Variants in RALY observed in about 807,000 individuals in gnomAD.
RALY encodes the protein RALY heterogeneous nuclear ribonucleoprotein.
RALY carries 15 observed loss-of-function variants against 30.7 expected under a neutral mutation model. The ratio of observed to expected loss-of-function variants is 0.49; its 90% CI spans 0.33 to 0.75. The LOEUF is 0.75. Among genes scored for constraint, RALY ranks in the 30% least tolerant of loss-of-function variants. The pLI is 0.02. For missense variants in RALY, 339 were observed against 414.3 expected, an observed-to-expected ratio of 0.82 and a Z score of 1.58; for synonymous variants, 177 against 170.8, an observed-to-expected ratio of 1.04 and a Z score of -0.28.
chr20:34,047,088 G>A (rs1483719044), intron 2 of RALY, among the ~76,000 whole-genome samples: 1 of 152,138 alleles, frequency 6.6e-6, no homozygotes, highest in African/African-American at 2.4e-5. Flanking sequence ...CAAAGTGGGG[G>A]GATTACAGGT....
intron 2 of RALY, among the ~76,000 whole-genome samples, chr20:34,036,193 C>T (rs1601449056): frequency 2.6e-5 from 4 of 151,822 alleles, no homozygotes; most frequent in African/African-American, 2.4e-5. Flanking sequence ...TCTAGTACAG[C>T]GTTGAATAGA....
chr20:34,078,566 T>G lies in RALY; in HGVS notation c.*4+13T>G, dbSNP rs2033959434. The G allele has an allele frequency of 6.4e-7, 1 of 1,552,876 alleles. No individual in the cohort carries two copies. The highest frequency in any genetic ancestry group is 1.2e-5 in the South Asian group (1 of 81,856). On this transcript the variant is annotated intron_variant, in intron 9 of 9. Coordinates refer to ENST00000246194, the MANE Select transcript of RALY (RefSeq NM_016732.3). ...TTGCAGTAAGCAGGTACAGGGGTCCTGTCCTGATGGGCAGAGGGTGGGGAA... is the reference window on the plus strand; with the variant it reads ...TTGCAGTAAGCAGGTACAGGGGTCCGGTCCTGATGGGCAGAGGGTGGGGAA...
chr20:34,058,351 G>A (rs1016072766), intron 2 of RALY, among the ~76,000 whole-genome samples: 3 of 152,042 alleles, frequency 2.0e-5, no homozygotes, highest in Non-Finnish European at 2.9e-5. Context: ...ACATGCTAAT[G>A]AACATTTTGT....
At chr20:34,007,637 T>C (rs2031217607) in intron 1 of RALY, among the ~76,000 whole-genome samples, 1 of 150,732 alleles carries the variant, frequency 6.6e-6, no homozygotes, top group Non-Finnish European at 1.5e-5. Context: ...CTGACCAATA[T>C]GGTGAAACCC....
chr20:34,000,918 C>G (rs1266704723), intron 1 of RALY, among the ~76,000 whole-genome samples: 2 of 152,160 alleles, frequency 1.3e-5, no homozygotes, highest in African/African-American at 2.4e-5. Flanking sequence ...GGGAATTGGA[C>G]TAGATAATCT....
At chr20:34,050,534 T>C (rs1050183110) in intron 2 of RALY, among the ~76,000 whole-genome samples, 2 of 152,240 alleles carry the variant, frequency 1.3e-5, no homozygotes, top group Non-Finnish European at 2.9e-5. Flanking sequence ...GGATGTGATA[T>C]CAGGCAGGGT....
At chr20:34,001,618 A>ACCATGTAAGTGG (rs2030917918) in intron 1 of RALY, among the ~76,000 whole-genome samples, 1 of 152,142 alleles carries the variant, frequency 6.6e-6, no homozygotes, top group Non-Finnish European at 1.5e-5. Flanking sequence ...GTGTCTCTTG[A>ACCATGTAAGTGG]TCTATTTGTC....
In RALY at chr20:34,076,038, AGT is replaced by A; in HGVS notation, c.544+2_544+3del. On this transcript the variant is annotated frameshift_variant and splice_region_variant, in exon 6 of 10. Transcript: ENST00000246194. LOFTEE classifies it high-confidence loss of function. ...GTCACCACCAGCTCAGCCAAGATCA[AGT>A]GTGAGTGACTGTATCATATTCCTAA... The A allele has an allele frequency of 6.2e-7, 1 of 1,612,966 alleles. No individual in the cohort carries two copies. Among genetic ancestry groups the A allele is most frequent in the Non-Finnish European group, 8.5e-7 (1 of 1,179,086 alleles).
intron 1 of RALY, among the ~76,000 whole-genome samples, chr20:34,028,223 T>C (rs2032119072): frequency 6.7e-6 from 1 of 150,228 alleles, no homozygotes; most frequent in Non-Finnish European, 1.5e-5. Context: ...GAGGCGGAGG[T>C]TGCAGTGAGC....
chr20:33,996,622 A>T (rs575529157), intron 1 of RALY, among the ~76,000 whole-genome samples: 213 of 126,602 alleles, frequency 1.7e-3, no homozygotes, highest in Admixed American at 2.9e-3. Context: ...TGCTTTTTTT[A>T]AAAAAAAAAT....
Position 34,016,086 on chromosome 20 carries a change from C to A in RALY, c.-92-15436C>A, listed in dbSNP as rs189442765. 1.0e-3 allele frequency among the ~76,000 whole-genome samples: 157 copies of A among 152,260 alleles called. 2 individuals are homozygous for A. Among genetic ancestry groups the A allele is most frequent in the Non-Finnish European group, 8.8e-5 (6 of 68,028 alleles). On this transcript the variant is annotated intron_variant, in intron 1 of 9. Transcript: ENST00000246194. ...ACTCCCTTACATCTGCGCACAAGTC[C>A]TCCCCTCCACACATGCCCACATAAT...
intron 1 of RALY, among the ~76,000 whole-genome samples, chr20:34,029,469 GAGGGAGGAA>G (rs2032182314): frequency 8.2e-6 from 1 of 121,386 alleles, no homozygotes; most frequent in Non-Finnish European, 1.7e-5. Context: ...AGGAGGGAGG[GAGGGAGGAA>G]AGGGAGGGAG....
At chr20:34,048,853 CAA>C (rs58117454) in intron 2 of RALY, among the ~76,000 whole-genome samples, 8 of 105,598 alleles carry the variant, frequency 7.6e-5, no homozygotes, top group African/African-American at 1.5e-4. Context: ...GACTCCGTCT[CAA>C]AAAAAAAAAA....
chr20:34,047,173 G>A (rs1052425016), intron 2 of RALY, among the ~76,000 whole-genome samples: 1 of 152,136 alleles, frequency 6.6e-6, no homozygotes, highest in Non-Finnish European at 1.5e-5. Context: ...TTCAACACTA[G>A]TTACATTTGG....
intron 2 of RALY, among the ~76,000 whole-genome samples, chr20:34,062,635 T>A (rs1330213262): frequency 6.6e-6 from 1 of 152,210 alleles, no homozygotes; most frequent in Non-Finnish European, 1.5e-5. Context: ...GGGTTTCCAG[T>A]AATTGGAACA....
intron 1 of RALY, among the ~76,000 whole-genome samples, chr20:33,995,962 C>A (rs193206870): frequency 3.3e-5 from 5 of 152,288 alleles, no homozygotes; most frequent in African/African-American, 1.2e-4. Context: ...GTTTTATAGT[C>A]CCCACCCCTT....
At chr20:34,040,261 T>G (rs1472427979) in intron 2 of RALY, among the ~76,000 whole-genome samples, 1 of 152,034 alleles carries the variant, frequency 6.6e-6, no homozygotes, top group Admixed American at 6.5e-5. Flanking sequence ...CATTCCAGAG[T>G]TTTTTTCCCC....
chr20:34,033,319 G>T (rs1427023585), intron 2 of RALY: 6 of 152,250 alleles, frequency 3.9e-5, no homozygotes, highest in Non-Finnish European at 7.3e-5. Flanking sequence ...AAACAAGAAA[G>T]TGAGAAGAAA....
intron 1 of RALY, among the ~76,000 whole-genome samples, chr20:34,010,837 T>G (rs2031368393): frequency 6.6e-6 from 1 of 152,186 alleles, no homozygotes. Flanking sequence ...AAGGGATTGC[T>G]GTGTTTGTGG....
Sources: allele counts gnomAD v4.1 joint callset (sites outside exome capture counted in the v4.1 genomes callset), GRCh38; gene constraint gnomAD v4.1.1; transcripts MANE v1.5; gene names NCBI Gene and HGNC (gene_info 2026-07-23, HGNC 2026-07-21).